LGALS2: variants seen among roughly 807,000 people sequenced by gnomAD.
LGALS2 encodes galectin 2, also known as galectin-2.
A neutral mutation model predicts 10.1 loss-of-function variants in LGALS2; 7 were observed. That is an observed-to-expected ratio of 0.70 (90% CI 0.40 to 1.31). The LOEUF (loss-of-function observed/expected upper bound fraction) is 1.31. Ranked by LOEUF, LGALS2 falls within the 50% of genes most tolerant of loss-of-function variation. LGALS2 has a pLI of 0.01. For missense variants in LGALS2, 167 were observed against 163.6 expected, an observed-to-expected ratio of 1.02 and a Z score of -0.11; for synonymous variants, 86 against 64.2, an observed-to-expected ratio of 1.34 and a Z score of -1.63.
At chr22:37,573,716 C>G (rs1020247587) in intron 1 of LGALS2, among the ~76,000 whole-genome samples, 1 of 138,424 alleles carries the variant, frequency 7.2e-6, no homozygotes, top group African/African-American at 2.8e-5. Context: ...GTTTTACTTT[C>G]CTTTTCTTTT....
intron 1 of LGALS2, among the ~76,000 whole-genome samples, chr22:37,576,994 G>GA (rs986094645): frequency 6.6e-6 from 1 of 151,856 alleles, no homozygotes; most frequent in Non-Finnish European, 1.5e-5. Context: ...TAGAGCTGGG[G>GA]GGGTGGGGAG....
intron 1 of LGALS2, among the ~76,000 whole-genome samples, chr22:37,579,152 A>G (rs1456919494): frequency 6.8e-6 from 1 of 146,212 alleles, no homozygotes; most frequent in Non-Finnish European, 1.5e-5. Flanking sequence ...GGAGGCTGAG[A>G]CCAGAGAATT....
At position 37,570,614 on chromosome 22, in the gene LGALS2, C is replaced by T; in HGVS notation, c.211G>A (p.Glu71Lys). The T allele has an allele frequency of 1.2e-6, 2 of 1,614,260 alleles. No homozygotes were observed. The highest frequency in any genetic ancestry group is 1.7e-6 in the Non-Finnish European group (2 of 1,180,056). Residue 71 changes from glutamate (E) to lysine (K), a missense_variant, in exon 3 of 4, where the codon GAA (glutamate) becomes AAA (lysine). Coordinates refer to ENST00000215886, the MANE Select transcript of LGALS2 (RefSeq NM_006498.3). ...DGSNWGQEQR[E>K]DHLCFSPGSE... ...CCTGGGCTGAAGCACAGGTGATCTT[C>T]CCGTTGTTCTTGCCCCCAGTTGCTG... is the stretch of plus-strand genomic sequence containing the variant.
chr22:37,580,012 A>C lies in LGALS2; in HGVS notation c.-107T>G. The C allele has an allele frequency of 1.6e-6, 2 of 1,240,764 alleles. No homozygotes were observed. Among genetic ancestry groups the C allele is most frequent in the Non-Finnish European group, 1.2e-6 (1 of 868,472 alleles). The allele number at this position is 1,240,764 out of a possible 1,614,324, so 76.9% of individuals were successfully genotyped here. On this transcript the variant is annotated 5_prime_UTR_variant, in exon 1 of 4. Transcript: ENST00000215886. ...TAGAATATTACACATTAACTCCCTC[A>C]AGGTCCTAGGTGAGGACTTTGCCCC...
At chr22:37,573,054 A>C (rs1388401284) in intron 1 of LGALS2, among the ~76,000 whole-genome samples, 1 of 151,840 alleles carries the variant, frequency 6.6e-6, no homozygotes, top group Non-Finnish European at 1.5e-5. Context: ...CAGCCAGATC[A>C]CCTGAGGTCA....
intron 2 of LGALS2, 71 bp downstream of exon 2, chr22:37,571,778 T>C (rs969036409): frequency 2.2e-5 from 27 of 1,247,458 alleles, no homozygotes; most frequent in Non-Finnish European, 2.8e-5. Flanking sequence ...TTCACAGGGC[T>C]GCCCTGCCTG....
intron 1 of LGALS2, among the ~76,000 whole-genome samples, chr22:37,579,263 A>AAAAAAAAAAAAAAG (rs71195028): frequency 4.1e-5 from 5 of 121,276 alleles, no homozygotes; most frequent in Admixed American, 9.8e-5. Context: ...AAAAAAAAAA[A>AAAAAAAAAAAAAAG]AGAGAAAGAA....
rs1301375772 is a variant in LGALS2 at position 37,571,664 on chromosome 22, G to C, written c.89+185C>G. Among the ~76,000 whole-genome samples the C allele has an allele frequency of 3.9e-5, 6 of 152,212 alleles. No homozygotes were observed. The East Asian group carries it at 9.6e-4, about 24-fold the overall frequency. On this transcript the variant is annotated intron_variant, in intron 2 of 3. Coordinates refer to ENST00000215886, the MANE Select transcript of LGALS2 (RefSeq NM_006498.3). ...ATGGCATCAACTCTGAAATTCTGCA[G>C]GTCCCCAAACCTAGCCTCAGACATG...
chr22:37,571,361 C>T (rs927438862), intron 2 of LGALS2, among the ~76,000 whole-genome samples: 5 of 152,222 alleles, frequency 3.3e-5, no homozygotes, highest in African/African-American at 4.8e-5. Context: ...GTTCTGCAGG[C>T]GAGAGAGCCT....
At chr22:37,577,804 C>T (rs1392864187) in intron 1 of LGALS2, among the ~76,000 whole-genome samples, 1 of 152,154 alleles carries the variant, frequency 6.6e-6, no homozygotes, top group Non-Finnish European at 1.5e-5. Context: ...AATATAGACA[C>T]AGAGACGGAG....
chr22:37,578,457 C>T (rs964358173), intron 1 of LGALS2, among the ~76,000 whole-genome samples: 4 of 152,150 alleles, frequency 2.6e-5, no homozygotes, highest in Non-Finnish European at 5.9e-5. Flanking sequence ...AGCGTAGTGG[C>T]ATGCACCTGT....
In LGALS2 at chr22:37,571,928, C is replaced by G; in HGVS notation, c.10G>C (p.Glu4Gln). 1 of 1,613,212 alleles carries G rather than the reference C, an allele frequency of 6.2e-7. No individual in the cohort carries two copies. The highest frequency in any genetic ancestry group is 1.1e-5 in the South Asian group (1 of 91,080). Residue 4 changes from glutamate to glutamine, a missense_variant, in exon 2 of 4, where the codon GAA becomes CAA. Glu to Gln is a conservative substitution (Grantham distance 29). Transcript: ENST00000215886. ...ATGTCCATGTTCTTAACCTCAAGTT[C>G]CCCCTGGGCCAACAGAGAAACATTC... The part of the protein sequence containing the change: MTG[E>Q]LEVKNMDMKP...
chr22:37,575,686 C>T (rs919641556), intron 1 of LGALS2, among the ~76,000 whole-genome samples: 1 of 151,938 alleles, frequency 6.6e-6, no homozygotes, highest in Non-Finnish European at 1.5e-5. Context: ...ACCTCCTGAG[C>T]TCAAAGGATC....
At chr22:37,572,296 T>C (rs1925522094) in intron 1 of LGALS2, among the ~76,000 whole-genome samples, 2 of 152,124 alleles carry the variant, frequency 1.3e-5, no homozygotes. Context: ...AAATATGATA[T>C]GGAAAATGAC....
At chr22:37,576,276 C>A (rs889620638) in intron 1 of LGALS2, among the ~76,000 whole-genome samples, 1 of 151,794 alleles carries the variant, frequency 6.6e-6, no homozygotes, top group African/African-American at 2.4e-5. Context: ...CACGGTGAAA[C>A]CCTGTCTCTA....
chr22:37,573,175 G>A (rs1925556730), intron 1 of LGALS2, among the ~76,000 whole-genome samples: 1 of 152,128 alleles, frequency 6.6e-6, no homozygotes, highest in African/African-American at 2.4e-5. Flanking sequence ...GGAGGCTGAG[G>A]CAGGAGAACG....
At chr22:37,577,825 G>A (rs1925734462) in intron 1 of LGALS2, among the ~76,000 whole-genome samples, 1 of 152,172 alleles carries the variant, frequency 6.6e-6, no homozygotes, top group African/African-American at 2.4e-5. Context: ...ACACACAGAG[G>A]AGTCCACGTG....
At position 37,577,768 on chromosome 22, in the gene LGALS2, G is replaced by A. The variant is rs193283921; in HGVS notation, c.6+2132C>T. Among the ~76,000 whole-genome samples, 14 of 152,222 alleles carry A rather than the reference G, an allele frequency of 9.2e-5. No individual in the cohort carries two copies. The East Asian group carries it at 2.1e-3, about 23-fold the overall frequency. On this transcript the variant is annotated intron_variant, in intron 1 of 3. Coordinates refer to ENST00000215886, the MANE Select transcript of LGALS2 (RefSeq NM_006498.3). The stretch of plus-strand genomic sequence containing the variant: ...TTAGGGTTGGTCCTAAATCCAATAC[G>A]ACCAGTGTTCTCATAAGAGGAGAGA...
chr22:37,572,691 C>T (rs371143616), intron 1 of LGALS2, among the ~76,000 whole-genome samples: 11 of 150,910 alleles, frequency 7.3e-5, no homozygotes, highest in Admixed American at 1.3e-4. Context: ...GGTGTGAACC[C>T]GGGAGGCGGA....
Sources: gnomAD v4.1 joint callset for allele counts (sites outside exome capture counted in the v4.1 genomes callset) on GRCh38, gnomAD v4.1.1 for gene constraint, MANE v1.5 for transcripts, NCBI Gene and HGNC (gene_info 2026-07-23, HGNC 2026-07-21) for gene names.